Variants in CPA3 observed in about 807,000 individuals in gnomAD.
CPA3 encodes the protein mast cell carboxypeptidase A.
CPA3 carries 52 observed loss-of-function variants against 55.8 expected under a neutral mutation model. The observed-to-expected ratio is 0.93, with a 90% CI of 0.75 to 1.17. The LOEUF (loss-of-function observed/expected upper bound fraction) is 1.17, where lower values mean the gene tolerates loss of function less well. Ranked by LOEUF, CPA3 falls within the 50% of genes most tolerant of loss-of-function variation. CPA3 has a pLI of 0.00. For synonymous variants in CPA3, 179 were observed against 171.2 expected, an observed-to-expected ratio of 1.05 and a Z score of -0.36; for missense variants, 547 against 509.1, an observed-to-expected ratio of 1.07 and a Z score of -0.72.
Position 148,876,849 on chromosome 3 carries a change from A to C in CPA3, c.270-1592A>C, listed in dbSNP as rs1371936644. 2.0e-5 allele frequency among the ~76,000 whole-genome samples: 3 copies of C among 152,248 alleles called. No individual in the cohort carries two copies. The East Asian group carries it at 5.8e-4, about 29-fold the overall frequency. ...AATTCCCAGACAAAATAAATAAAAT[A>C]CTTGCATATATGATGATGACATTTT... On this transcript the variant is annotated intron_variant, in intron 3 of 10. Transcript: ENST00000296046.
intron 3 of CPA3, among the ~76,000 whole-genome samples, chr3:148,875,832 G>C (rs1237395780): frequency 6.6e-6 from 1 of 152,056 alleles, no homozygotes; most frequent in Non-Finnish European, 1.5e-5. Flanking sequence ...CATATAAATT[G>C]ATACTGCCAT....
chr3:148,879,765 A>G (rs973332038), intron 5 of CPA3, 23 bp from the exon 6 acceptor site: 1 of 1,505,388 alleles, frequency 6.6e-7, no homozygotes, highest in Non-Finnish European at 9.2e-7. Flanking sequence ...TCAAAACAAT[A>G]TCTCAAGTTT....
chr3:148,878,873 C>T (rs1714285033), intron 5 of CPA3, 125 bp downstream of exon 5: 1 of 608,200 alleles, frequency 1.6e-6, no homozygotes, highest in Non-Finnish European at 2.8e-6. Context: ...AATATTTAAG[C>T]TCTAGACATC....
rs370747287 is a variant in CPA3, at chr3:148,882,508, C to T, written c.691C>T (p.Arg231Cys). The T allele has an allele frequency of 2.8e-4, 444 of 1,613,002 alleles. No individual in the cohort carries two copies. The highest frequency in any genetic ancestry group is 3.6e-4 in the Non-Finnish European group (430 of 1,179,334). Reference protein sequence around the residue: ...DGYIWSWTKNRMWRKNRSKNQ... With the variant: ...DGYIWSWTKNCMWRKNRSKNQ... ...CTTACGTCATTCAATCTGGCAGAAC[C>T]GCATGTGGAGAAAAAATCGTTCCAA... Residue 231 changes from arginine (R) to cysteine (C), a missense_variant, in exon 8 of 11, where the codon CGC becomes TGC. Coordinates refer to ENST00000296046, the MANE Select transcript of CPA3 (RefSeq NM_001870.4).
chr3:148,893,238 A>G (rs1344202772), intron 10 of CPA3, among the ~76,000 whole-genome samples: 2 of 151,960 alleles, frequency 1.3e-5, no homozygotes, highest in East Asian at 4.0e-4. Context: ...CAAAGTTGCC[A>G]TCATTAAAAA....
Position 148,865,536 on chromosome 3 carries a change from C to T in CPA3, c.132C>T (p.Ala44=). The change falls in exon 2 of 11, where the codon GCC becomes GCT. Residue 44 remains alanine (A), a synonymous_variant. Coordinates refer to ENST00000296046, the MANE Select transcript of CPA3 (RefSeq NM_001870.4). ...AAGCAGACATCATAAAGGACTTGGCCAAAACCAATGAGGTAAGCATTTAGA... is the reference window on the plus strand; with the variant it reads ...AAGCAGACATCATAAAGGACTTGGCTAAAACCAATGAGGTAAGCATTTAGA... ...EKQADIIKDL[A]KTNELDFWYP... is the part of the protein sequence containing the mutation. 1.2e-6 allele frequency: 2 copies of T among 1,613,760 alleles called. No individual in the cohort carries two copies. Among genetic ancestry groups the T allele is most frequent in the Non-Finnish European group, 1.7e-6 (2 of 1,179,790 alleles).
At chr3:148,877,072 G>A (rs1049381435) in intron 3 of CPA3, among the ~76,000 whole-genome samples, 11 of 152,318 alleles carry the variant, frequency 7.2e-5, no homozygotes, top group African/African-American at 1.9e-4. Context: ...AAGTGAAAAC[G>A]TCATGTAGGC....
intron 10 of CPA3, among the ~76,000 whole-genome samples, chr3:148,887,188 A>G (rs1329895636): frequency 6.6e-6 from 1 of 152,140 alleles, no homozygotes; most frequent in Non-Finnish European, 1.5e-5. Flanking sequence ...TGTTGCAGGT[A>G]CTCAACCGGA....
At chr3:148,869,158 T>G in intron 3 of CPA3, 119 bp downstream of exon 3, 2 of 1,137,808 alleles carry the variant, frequency 1.8e-6, no homozygotes, top group Non-Finnish European at 2.5e-6. Context: ...GAAAGCTCTT[T>G]CTGTAAGATA....
At chr3:148,895,043 T>G (rs1401114461) in intron 10 of CPA3, among the ~76,000 whole-genome samples, 1 of 152,210 alleles carries the variant, frequency 6.6e-6, no homozygotes, top group Non-Finnish European at 1.5e-5. Flanking sequence ...ATGTGGTGAC[T>G]CTACCCTAGT....
intron 6 of CPA3, among the ~76,000 whole-genome samples, chr3:148,880,554 A>C (rs1486499498): frequency 6.6e-6 from 1 of 151,862 alleles, no homozygotes; most frequent in Non-Finnish European, 1.5e-5. Flanking sequence ...CTGTTATCAA[A>C]CTCCTGATCC....
intron 3 of CPA3, among the ~76,000 whole-genome samples, chr3:148,877,708 A>G (rs183035462): frequency 1.2e-4 from 19 of 152,322 alleles, no homozygotes; most frequent in African/African-American, 3.8e-4. Context: ...AAGCATAATA[A>G]TCTAATGTGA....
At chr3:148,880,053 T>G (rs1414960506) in intron 6 of CPA3, among the ~76,000 whole-genome samples, 164 bp downstream of exon 6, 2 of 152,204 alleles carry the variant, frequency 1.3e-5, no homozygotes, top group Non-Finnish European at 2.9e-5. Context: ...CATTACAGTT[T>G]TTATGAAATT....
At chr3:148,890,071 A>G (rs1714629137) in intron 10 of CPA3, among the ~76,000 whole-genome samples, 1 of 152,110 alleles carries the variant, frequency 6.6e-6, no homozygotes, top group Non-Finnish European at 1.5e-5. Flanking sequence ...ATAGACTGAA[A>G]TTCAGATACA....
At chr3:148,876,622 C>T (rs1714212051) in intron 3 of CPA3, among the ~76,000 whole-genome samples, 1 of 152,176 alleles carries the variant, frequency 6.6e-6, no homozygotes. Flanking sequence ...TGTGATCCAA[C>T]TGCCTCAGCT....
At chr3:148,890,798 C>A (rs1234231166) in intron 10 of CPA3, among the ~76,000 whole-genome samples, 1 of 152,146 alleles carries the variant, frequency 6.6e-6, no homozygotes, top group Non-Finnish European at 1.5e-5. Context: ...ATATGGATCC[C>A]TTTGGGCTGA....
rs769345179 is a variant in CPA3 at position 148,878,547 on chromosome 3, C to T, written c.372+4C>T. Reference sequence around the variant, plus strand: ...AAAATACAATAATTGGGAAAAGGTACAGTAAAAAATGCCTGTACTTTTTTT... The same window carrying T: ...AAAATACAATAATTGGGAAAAGGTATAGTAAAAAATGCCTGTACTTTTTTT... On this transcript the variant is annotated splice_donor_region_variant and intron_variant, in intron 4 of 10. Coordinates refer to ENST00000296046, the MANE Select transcript of CPA3 (RefSeq NM_001870.4). 5 of 1,603,142 alleles carry T rather than the reference C, an allele frequency of 3.1e-6. No individual in the cohort carries two copies. In the South Asian group the frequency reaches 5.6e-5, roughly 18 times the overall value.
At chr3:148,885,976 A>G in intron 9 of CPA3, 117 bp from the exon 10 acceptor site, 1 of 706,980 alleles carries the variant, frequency 1.4e-6, no homozygotes, top group Non-Finnish European at 2.5e-6. Flanking sequence ...ATCAAGGGAT[A>G]AGCACAGTGC....
intron 3 of CPA3, chr3:148,870,222 C>A (rs1486862630): frequency 2.6e-5 from 4 of 151,932 alleles, no homozygotes; most frequent in African/African-American, 7.3e-5. Flanking sequence ...TTTGTTGAGA[C>A]CCTCATTGTC....
Sources: gnomAD v4.1 joint callset for allele counts (sites outside exome capture counted in the v4.1 genomes callset) on GRCh38, gnomAD v4.1.1 for gene constraint, MANE v1.5 for transcripts, NCBI Gene and HGNC (gene_info 2026-07-23, HGNC 2026-07-21) for gene names.